The following RYR1 variants were observed in gnomAD, a reference collection of about 807,000 sequenced individuals.
RYR1 encodes central core disease of muscle.
A neutral mutation model predicts 583.5 loss-of-function variants in RYR1; 342 were observed. That is an observed-to-expected ratio of 0.59 (90% CI 0.54 to 0.64). RYR1 has a LOEUF of 0.64. Among genes scored for constraint, RYR1 ranks in the 30% least tolerant of loss-of-function variants. The probability of loss-of-function intolerance (pLI) is 0.00; values close to 1 mark genes in which losing one functional copy is unlikely to be tolerated. For missense variants in RYR1, 6,032 were observed against 6,917.2 expected, an observed-to-expected ratio of 0.87 and a Z score of 4.54; for synonymous variants, 2,791 against 2,822.5, an observed-to-expected ratio of 0.99 and a Z score of 0.35.
At chr19:38,450,622 T>C (rs963845605) in intron 11 of RYR1, among the ~76,000 whole-genome samples, 14 of 152,150 alleles carry the variant, frequency 9.2e-5, no homozygotes, top group Non-Finnish European at 1.6e-4. Flanking sequence ...GTATCTGATT[T>C]ACCTAGGGTG....
Position 38,565,858 on chromosome 19 carries a change from GAGGAGAGAACTGGCTAGGGGGA to G in RYR1, c.13437+88_13437+109del. On this transcript the variant is annotated intron_variant, in intron 91 of 105. Transcript: ENST00000359596. The surrounding 1 kb of genome is among the most constrained non-coding windows in gnomAD (Gnocchi z 4.7). ...GCCCGGCTGGGTGGAGACACACACA[GAGGAGAGAACTGGCTAGGGGGA>G]TGGGCACACGCACCCACGGAGGACG... 4 of 1,324,038 alleles carry G rather than the reference GAGGAGAGAACTGGCTAGGGGGA, an allele frequency of 3.0e-6. No homozygotes were observed. The highest frequency in any genetic ancestry group is 3.9e-6 in the Non-Finnish European group (4 of 1,038,026). 82.0% of individuals were successfully genotyped at this position (1,324,038 alleles called of 1,614,324 possible).
chr19:38,554,369 T>C (rs1448510976), intron 89 of RYR1, among the ~76,000 whole-genome samples: 1 of 150,206 alleles, frequency 6.7e-6, no homozygotes, highest in Non-Finnish European at 1.5e-5. Context: ...GAGAATTGCT[T>C]GAACCCGGGA....
intron 72 of RYR1, 158 bp downstream of exon 72, chr19:38,527,210 A>G (rs1971504630): frequency 1.2e-6 from 1 of 826,266 alleles, no homozygotes; most frequent in Non-Finnish European, 2.0e-6. Flanking sequence ...CCATGTTTCT[A>G]CTAAAAATAC....
At chr19:38,573,963 A>G (rs1973842914) in intron 96 of RYR1, among the ~76,000 whole-genome samples, 1 of 151,880 alleles carries the variant, frequency 6.6e-6, no homozygotes, top group Admixed American at 6.6e-5. Context: ...AAACATGGCC[A>G]GGCACGATGG....
At chr19:38,537,650 CTCA>C (rs1972032201) in intron 83 of RYR1, among the ~76,000 whole-genome samples, 1 of 152,204 alleles carries the variant, frequency 6.6e-6, no homozygotes, top group Non-Finnish European at 1.5e-5. Context: ...AGCTTCATGA[CTCA>C]GGGCCCCTTG....
chr19:38,488,008 G>C (rs1568487174), intron 34 of RYR1, among the ~76,000 whole-genome samples: 1 of 152,046 alleles, frequency 6.6e-6, no homozygotes, highest in East Asian at 1.9e-4. Flanking sequence ...CTAGAATGCA[G>C]TGGTATGATT....
rs193922826 is a variant in RYR1 at position 38,504,319 on chromosome 19, C to G, written c.8026C>G (p.Arg2676Gly). ...VTSEEELHLT[R>G]KLFWGIFDSL... is the part of the protein sequence containing the mutation. ...CTCAGAGGAGGAGCTGCACCTCACA[C>G]GGAAACTCTTCTGGGGCATCTTTGA... The change falls in exon 50 of 106, where the codon CGG (arginine) becomes GGG (glycine). Residue 2676 changes from arginine to glycine, a missense_variant. Coordinates refer to ENST00000359596, the MANE Select transcript of RYR1 (RefSeq NM_000540.3). 1 of 1,614,056 alleles carries G rather than the reference C, an allele frequency of 6.2e-7. No individual in the cohort carries two copies. Among genetic ancestry groups the G allele is most frequent in the Non-Finnish European group, 8.5e-7 (1 of 1,180,050 alleles).
chr19:38,548,655 T>G (rs1972536675), intron 89 of RYR1, among the ~76,000 whole-genome samples: 1 of 152,214 alleles, frequency 6.6e-6, no homozygotes, highest in Non-Finnish European at 1.5e-5. Flanking sequence ...CATAGCTCAC[T>G]GCAGCCTTGA....
At chr19:38,573,401 TC>T in intron 96 of RYR1, 94 bp downstream of exon 96, 1 of 1,493,892 alleles carries the variant, frequency 6.7e-7, no homozygotes. Context: ...AGGGTTTCGG[TC>T]CGGGCACGGT....
At chr19:38,544,472 C>T (rs1394515235) in intron 87 of RYR1, among the ~76,000 whole-genome samples, 1 of 152,182 alleles carries the variant, frequency 6.6e-6, no homozygotes, top group Non-Finnish European at 1.5e-5. Flanking sequence ...TTCCGCAGGT[C>T]GTGCACTGCA....
intron 23 of RYR1, among the ~76,000 whole-genome samples, chr19:38,465,301 CA>C (rs1162358552): frequency 2.0e-5 from 3 of 151,516 alleles, no homozygotes; most frequent in Non-Finnish European, 2.9e-5. Context: ...GACCCCTCTA[CA>C]AAAAATTTAA....
chr19:38,453,104 C>T, intron 13 of RYR1, 90 bp downstream of exon 13: 1 of 1,352,154 alleles, frequency 7.4e-7, no homozygotes, highest in South Asian at 1.2e-5. Context: ...CGGGGCAGGG[C>T]CTGAGGGACC....
In RYR1 at chr19:38,561,465, C is replaced by G. The variant is rs749275875; in HGVS notation, c.12624+11C>G. On this transcript the variant is annotated intron_variant, in intron 90 of 105. Transcript: ENST00000359596. The surrounding 1 kb of genome is among the most constrained non-coding windows in gnomAD (Gnocchi z 4.8). ...TGGGAGATGCCCCAGGTCAGGGAACCCGCGCGCGTGCAAGCTCGCCTCCTG... is the reference window on the plus strand; with the variant it reads ...TGGGAGATGCCCCAGGTCAGGGAACGCGCGCGCGTGCAAGCTCGCCTCCTG... 3.1e-6 allele frequency: 5 copies of G among 1,601,738 alleles called. No homozygotes were observed. The African/African-American group carries it at 5.3e-5, about 17-fold the overall frequency.
At chr19:38,458,392 C>A in intron 18 of RYR1, 100 bp downstream of exon 18, 1 of 1,245,172 alleles carries the variant, frequency 8.0e-7, no homozygotes. Context: ...TCCTGACTCC[C>A]TGAAAAGGTC....
rs1458779012 is a variant in RYR1, at chr19:38,473,672, A to C, written c.4061A>C (p.Glu1354Ala). The part of the protein sequence containing the change: ...AENGKEGTAK[E>A]GAPGGTPQAG... Reference sequence around the variant, plus strand: ...AACGGCAAAGAAGGGACTGCGAAGGAGGGCGCCCCCGGGGGCACCCCGCAG... The same window carrying C: ...AACGGCAAAGAAGGGACTGCGAAGGCGGGCGCCCCCGGGGGCACCCCGCAG... Residue 1354 changes from glutamate to alanine, a missense_variant, in exon 28 of 106, where the codon GAG becomes GCG. By Grantham distance (107) the Glu-to-Ala change is moderately radical. Transcript: ENST00000359596. The C allele has an allele frequency of 9.7e-6, 15 of 1,551,764 alleles. No homozygotes were observed. The highest frequency in any genetic ancestry group is 1.3e-5 in the Non-Finnish European group (15 of 1,147,788).
chr19:38,517,250 T>G, intron 65 of RYR1, 109 bp from the exon 66 acceptor site: 1 of 1,125,218 alleles, frequency 8.9e-7, no homozygotes, highest in Non-Finnish European at 1.3e-6. Flanking sequence ...GGGAGACTGT[T>G]TAAGGGGGGT....
chr19:38,553,488 A>G (rs1314708884), intron 89 of RYR1, among the ~76,000 whole-genome samples: 2 of 151,818 alleles, frequency 1.3e-5, no homozygotes, highest in Admixed American at 6.6e-5. Context: ...CTAAAAAAAA[A>G]AAAATCAAAA....
chr19:38,559,381 G>A (rs963286318), intron 89 of RYR1, among the ~76,000 whole-genome samples: 2 of 151,670 alleles, frequency 1.3e-5, no homozygotes, highest in Admixed American at 6.6e-5. Flanking sequence ...TTACAGGCAC[G>A]CACCATCATG....
intron 42 of RYR1, among the ~76,000 whole-genome samples, chr19:38,498,170 TAGTG>T (rs1214725666): frequency 6.6e-6 from 1 of 151,402 alleles, no homozygotes; most frequent in Non-Finnish European, 1.5e-5. Context: ...GGAGCAGAGG[TAGTG>T]AGGGTGAGGG....
Sources: allele counts gnomAD v4.1 joint callset (sites outside exome capture counted in the v4.1 genomes callset), GRCh38; gene constraint gnomAD v4.1.1; non-coding constraint Gnocchi (gnomAD v3.1); transcripts MANE v1.5; gene names NCBI Gene and HGNC (gene_info 2026-07-23, HGNC 2026-07-21).